The following ADGRL1 variants were observed in gnomAD, a reference collection of about 807,000 sequenced individuals.
The protein encoded by ADGRL1 is CIRL-1.
Under a neutral mutation model 148.9 loss-of-function variants are expected in ADGRL1, and 31 were observed. That is an observed-to-expected ratio of 0.21 (90% CI 0.16 to 0.28). The LOEUF is 0.28. Among genes scored for constraint, ADGRL1 ranks in the 10% least tolerant of loss-of-function variants. ADGRL1 has a pLI of 1.00. For missense variants in ADGRL1, 1,521 were observed against 2,058.8 expected (o/e 0.74, Z 5.05); for synonymous variants, 937 against 900.3 (o/e 1.04, Z -0.73).
chr19:14,150,746 G>A lies in ADGRL1; in HGVS notation c.*127C>T, dbSNP rs890483841. The A allele has an allele frequency of 3.4e-6, 4 of 1,191,076 alleles. No individual in the cohort carries two copies. The highest frequency in any genetic ancestry group is 1.5e-5 in the African/African-American group (1 of 65,058). 73.8% of individuals were successfully genotyped at this position (1,191,076 alleles called of 1,614,324 possible). A position where few individuals can be genotyped will look rare whatever the true frequency, so the allele number is the denominator to read the frequency against. On this transcript the variant is annotated 3_prime_UTR_variant, in exon 23 of 23. Coordinates refer to ENST00000361434, the MANE Select transcript of ADGRL1 (RefSeq NM_014921.5). The stretch of plus-strand genomic sequence containing the variant: ...CCCCTGAGGGGACTGTAGGGCCCAT[G>A]GCTGAGGGGCACCTGGAGAGAGTGG...
intron 4 of ADGRL1, among the ~76,000 whole-genome samples, chr19:14,167,269 G>C (rs1351287858): frequency 6.6e-6 from 1 of 152,048 alleles, no homozygotes; most frequent in South Asian, 2.1e-4. Context: ...TGGGGAGACA[G>C]TCAGAGGGAC....
intron 1 of ADGRL1, among the ~76,000 whole-genome samples, chr19:14,185,257 CCTTGCCAGGAA>C (rs1276307500): frequency 6.6e-6 from 1 of 152,152 alleles, no homozygotes; most frequent in African/African-American, 2.4e-5. Flanking sequence ...CTGGCATCAG[CCTTGCCAGGAA>C]CTTGGTAGAA....
intron 1 of ADGRL1, among the ~76,000 whole-genome samples, chr19:14,189,600 G>C (rs1334232323): frequency 6.6e-6 from 1 of 152,108 alleles, no homozygotes; most frequent in Non-Finnish European, 1.5e-5. Context: ...GCCTGGATCC[G>C]AGCTTCATTC....
intron 18 of ADGRL1, among the ~76,000 whole-genome samples, chr19:14,153,776 C>T (rs551084270): frequency 2.8e-4 from 43 of 151,184 alleles, no homozygotes; most frequent in African/African-American, 9.5e-4. Flanking sequence ...CATGGTGAAA[C>T]CCCACCTCTA....
intron 1 of ADGRL1, among the ~76,000 whole-genome samples, chr19:14,203,052 C>T (rs1252102522): frequency 6.6e-6 from 1 of 152,154 alleles, no homozygotes; most frequent in Non-Finnish European, 1.5e-5. Flanking sequence ...CCCGTCTCTC[C>T]CCTTCCATCA....
In ADGRL1 at chr19:14,150,621, G is replaced by A; in HGVS notation, c.*252C>T. Reference sequence around the variant, plus strand: ...CTCCTCACTCCCCTGGGGTCCTCTGGGCTCCTCCTCACTACACTTCCCCCA... The same window carrying A: ...CTCCTCACTCCCCTGGGGTCCTCTGAGCTCCTCCTCACTACACTTCCCCCA... On this transcript the variant is annotated 3_prime_UTR_variant, in exon 23 of 23. Coordinates refer to ENST00000361434, the MANE Select transcript of ADGRL1 (RefSeq NM_014921.5). 1.9e-6 allele frequency: 1 copy of A among 529,142 alleles called. No homozygotes were observed. The allele number at this position is 529,142 out of a possible 1,614,324, so 32.8% of individuals were successfully genotyped here. A position where few individuals can be genotyped will look rare whatever the true frequency, so the allele number is the denominator to read the frequency against.
At position 14,183,555 on chromosome 19, in the gene ADGRL1, G is replaced by A. The variant is rs1479383137; in HGVS notation, c.48C>T (p.Val16=). ...TACCTTGGGTGGCCGAGGTGACCAG[G>A]ACGGCGGTGACACACAGATTCCAGA... ...AVLWNLCVTA[V]LVTSATQGLS... The change falls in exon 2 of 23, where the codon GTC becomes GTT. Residue 16 remains valine (V), a synonymous_variant. Transcript: ENST00000361434. The A allele has an allele frequency of 2.5e-6, 4 of 1,582,840 alleles. No individual in the cohort carries two copies. The highest frequency in any genetic ancestry group is 8.6e-7 in the Non-Finnish European group (1 of 1,164,224).
intron 4 of ADGRL1, among the ~76,000 whole-genome samples, chr19:14,164,216 C>A (rs1224811737): frequency 6.6e-6 from 1 of 152,066 alleles, no homozygotes; most frequent in African/African-American, 2.4e-5. Context: ...GCCCTGCCCC[C>A]AGCCGGCAGG....
intron 1 of ADGRL1, among the ~76,000 whole-genome samples, chr19:14,184,414 G>T (rs1413973096): frequency 6.7e-6 from 1 of 148,222 alleles, no homozygotes; most frequent in African/African-American, 2.5e-5. Flanking sequence ...CAGCGGCTCA[G>T]TTTTTTTTTT....
At chr19:14,174,122 G>A (rs570317129) in intron 3 of ADGRL1, among the ~76,000 whole-genome samples, 2 of 152,166 alleles carry the variant, frequency 1.3e-5, no homozygotes, top group East Asian at 1.9e-4. Flanking sequence ...CATTCCCCAC[G>A]GACATGGGAA....
chr19:14,198,314 G>A (rs1972396001), intron 1 of ADGRL1, among the ~76,000 whole-genome samples: 1 of 152,138 alleles, frequency 6.6e-6, no homozygotes. Flanking sequence ...TGGCCGCAGA[G>A]GTGGAGATCA....
Position 14,162,880 on chromosome 19 carries a change from C to T in ADGRL1, c.921G>A (p.Lys307=), listed in dbSNP as rs1173162711. 5.0e-6 allele frequency: 8 copies of T among 1,613,848 alleles called. No homozygotes were observed. Among genetic ancestry groups the T allele is most frequent in the South Asian group, 1.1e-5 (1 of 91,066 alleles). Residue 307 remains lysine, a synonymous_variant, in exon 5 of 23, where the codon AAG becomes AAA. Coordinates refer to ENST00000361434, the MANE Select transcript of ADGRL1 (RefSeq NM_014921.5). The surrounding 1 kb of genome is among the most constrained non-coding windows in gnomAD (Gnocchi z 5.4). ...CCATGAAGGCGTTGGATGCCGAGCG[C>T]TTGTCGTAACCCGTCTCCCACGTGC... ...FEGTWETGYD[K]RSASNAFMVC... is the part of the protein sequence containing the mutation.
intron 3 of ADGRL1, 55 bp from the exon 4 acceptor site, chr19:14,170,846 G>A: frequency 1.2e-6 from 1 of 847,340 alleles, no homozygotes; most frequent in Admixed American, 2.0e-5. Context: ...GGTGGCGGGG[G>A]TGGGGGTGCA....
Position 14,157,544 on chromosome 19 carries a change from TG to T in ADGRL1, c.2536-85del. ...CAGGTGCCAGCCACAGACAGGGCCC[TG>T]GGCAAGGCCATGGGCCGTGAGGACC... On this transcript the variant is annotated intron_variant, in intron 13 of 22. Transcript: ENST00000361434. This position sits in a 1 kb window ranked among gnomAD's most constrained non-coding sequence, Gnocchi z 7.5. 7.1e-7 allele frequency: 1 copy of T among 1,404,622 alleles called. No homozygotes were observed. The highest frequency in any genetic ancestry group is 1.0e-6 in the Non-Finnish European group (1 of 1,001,854). The allele number at this position is 1,404,622 out of a possible 1,614,324, so 87.0% of individuals were successfully genotyped here.
chr19:14,161,777 C>G lies in ADGRL1; in HGVS notation c.1196-151G>C, dbSNP rs1969415574. On this transcript the variant is annotated intron_variant, in intron 5 of 22. Coordinates refer to ENST00000361434, the MANE Select transcript of ADGRL1 (RefSeq NM_014921.5). This position sits in a 1 kb window ranked among gnomAD's most constrained non-coding sequence, Gnocchi z 4.4. ...CCCACTGGGTCTATGAGTTGATCTC[C>G]CCTGGCCGCTCTGTGCCCACCAAAG... The G allele has an allele frequency of 2.0e-6, 1 of 502,790 alleles. No individual in the cohort carries two copies. The highest frequency in any genetic ancestry group is 3.2e-6 in the Non-Finnish European group (1 of 308,570). The allele number at this position is 502,790 out of a possible 1,614,324, so 31.1% of individuals were successfully genotyped here.
chr19:14,151,958 T>C (rs757974581), intron 22 of ADGRL1, among the ~76,000 whole-genome samples, 175 bp downstream of exon 22: 2 of 152,074 alleles, frequency 1.3e-5, no homozygotes, highest in Non-Finnish European at 2.9e-5. Flanking sequence ...CCAAACTCAA[T>C]GAACACCATC....
intron 12 of ADGRL1, 122 bp from the exon 13 acceptor site, chr19:14,158,174 C>T: frequency 8.0e-7 from 1 of 1,243,126 alleles, no homozygotes; most frequent in Non-Finnish European, 1.1e-6. Flanking sequence ...GGGTCTGGGG[C>T]TCCAGTTGAC....
At chr19:14,190,792 T>C (rs1453215837) in intron 1 of ADGRL1, among the ~76,000 whole-genome samples, 3 of 152,018 alleles carry the variant, frequency 2.0e-5, no homozygotes, top group Admixed American at 2.0e-4. Context: ...AGGGGTGTTT[T>C]AAAAGACAAT....
At chr19:14,194,962 G>A (rs1419263485) in intron 1 of ADGRL1, among the ~76,000 whole-genome samples, 1 of 149,404 alleles carries the variant, frequency 6.7e-6, no homozygotes, top group Non-Finnish European at 1.5e-5. Flanking sequence ...TCAGCTCACT[G>A]CAGCCTCATC....
Sources: gnomAD v4.1 joint callset for allele counts (sites outside exome capture counted in the v4.1 genomes callset) on GRCh38, gnomAD v4.1.1 for gene constraint, Gnocchi (gnomAD v3.1) non-coding constraint, MANE v1.5 for transcripts, NCBI Gene and HGNC (gene_info 2026-07-23, HGNC 2026-07-21) for gene names.